The following CABCOCO1 variants were observed in gnomAD, a reference collection of about 807,000 sequenced individuals.
The protein encoded by CABCOCO1 is ciliary-associated calcium-binding coiled-coil protein 1.
CABCOCO1 carries 28 observed loss-of-function variants against 35.7 expected under a neutral mutation model. The observed-to-expected ratio is 0.78, with a 90% CI of 0.58 to 1.07. CABCOCO1 has a LOEUF of 1.07. CABCOCO1 is among the 50% of genes least tolerant of loss of function. The probability of loss-of-function intolerance (pLI) is 0.00; values close to 1 mark genes in which losing one functional copy is unlikely to be tolerated. For synonymous variants in CABCOCO1, 95 were observed against 100.1 expected, an observed-to-expected ratio of 0.95 and a Z score of 0.30; for missense variants, 326 against 309.2, an observed-to-expected ratio of 1.05 and a Z score of -0.41.
chr10:61,679,245 G>C (rs1839621553), intron 2 of CABCOCO1, among the ~76,000 whole-genome samples: 2 of 151,896 alleles, frequency 1.3e-5, no homozygotes, highest in African/African-American at 4.8e-5. Flanking sequence ...GAAAATATAA[G>C]GAAGGATGCT....
intron 5 of CABCOCO1, among the ~76,000 whole-genome samples, chr10:61,736,333 G>C (rs1161723617): frequency 6.6e-6 from 1 of 152,022 alleles, no homozygotes; most frequent in African/African-American, 2.4e-5. Context: ...TGTAAGAAAG[G>C]GTTCCAGCCT....
intron 1 of CABCOCO1, among the ~76,000 whole-genome samples, chr10:61,667,150 A>G (rs1018052958): frequency 1.1e-4 from 16 of 145,062 alleles, no homozygotes; most frequent in African/African-American, 3.7e-4. Flanking sequence ...GTATATATAA[A>G]TATAATTATA....
chr10:61,737,955 A>T (rs1408667751), intron 5 of CABCOCO1, among the ~76,000 whole-genome samples: 1 of 152,098 alleles, frequency 6.6e-6, no homozygotes, highest in Non-Finnish European at 1.5e-5. Flanking sequence ...CCAAACTAAA[A>T]TAAAAATTTT....
intron 3 of CABCOCO1, 54 bp from the exon 4 acceptor site, chr10:61,685,987 T>C (rs997791805): frequency 1.0e-5 from 15 of 1,490,676 alleles, no homozygotes; most frequent in Non-Finnish European, 1.2e-5. Flanking sequence ...GATTATCTTA[T>C]TCTGAAAACA....
chr10:61,739,134 A>C (rs1841489838), intron 5 of CABCOCO1, among the ~76,000 whole-genome samples: 1 of 152,220 alleles, frequency 6.6e-6, no homozygotes, highest in African/African-American at 2.4e-5. Context: ...GAATTTTCTC[A>C]AGGATAGTTG....
intron 1 of CABCOCO1, among the ~76,000 whole-genome samples, chr10:61,666,445 G>A (rs1321023292): frequency 6.6e-6 from 1 of 152,188 alleles, no homozygotes; most frequent in East Asian, 1.9e-4. Flanking sequence ...ACCTCAACAT[G>A]TGAGTACATG....
intron 4 of CABCOCO1, among the ~76,000 whole-genome samples, chr10:61,687,415 T>C (rs2131988645): frequency 6.6e-6 from 1 of 152,320 alleles, no homozygotes; most frequent in South Asian, 2.1e-4. Flanking sequence ...TTGCACATTG[T>C]ATTAGCATCC....
At chr10:61,700,545 T>C (rs1362788768) in intron 5 of CABCOCO1, among the ~76,000 whole-genome samples, 2 of 152,112 alleles carry the variant, frequency 1.3e-5, no homozygotes, top group South Asian at 2.1e-4. Context: ...TCTCATATAT[T>C]GCTGGGAAGA....
intron 1 of CABCOCO1, among the ~76,000 whole-genome samples, chr10:61,671,275 G>A (rs972241582): frequency 2.6e-5 from 4 of 151,726 alleles, no homozygotes; most frequent in African/African-American, 4.8e-5. Context: ...GCAGTGAGCC[G>A]AGATCAGCCA....
intron 5 of CABCOCO1, among the ~76,000 whole-genome samples, chr10:61,731,486 A>T (rs1841300664): frequency 6.6e-6 from 1 of 151,850 alleles, no homozygotes; most frequent in Non-Finnish European, 1.5e-5. Flanking sequence ...GCATTGTAGA[A>T]GTTTTCAGTA....
chr10:61,694,774 T>C (rs566553844), intron 5 of CABCOCO1, among the ~76,000 whole-genome samples: 109 of 152,228 alleles, frequency 7.2e-4, no homozygotes, highest in African/African-American at 2.6e-3. Context: ...AGTGAAGCTT[T>C]GGTAGACACG....
chr10:61,687,112 G>A (rs1019893868), intron 4 of CABCOCO1, among the ~76,000 whole-genome samples: 2 of 152,064 alleles, frequency 1.3e-5, no homozygotes, highest in Admixed American at 6.5e-5. Flanking sequence ...AATCCTAGTA[G>A]GTTTAATATG....
chr10:61,762,757 G>C (rs1377302431), intron 7 of CABCOCO1, among the ~76,000 whole-genome samples: 1 of 152,080 alleles, frequency 6.6e-6, no homozygotes, highest in Non-Finnish European at 1.5e-5. Context: ...AATGGGAGCT[G>C]TGACCTGGGT....
intron 1 of CABCOCO1, among the ~76,000 whole-genome samples, chr10:61,669,020 G>GAAAAAAAAAAAAAAAAAAAAAAA (rs200867627): frequency 1.2e-4 from 12 of 102,502 alleles, no homozygotes; most frequent in African/African-American, 2.7e-4. Context: ...AAGGGTTGGG[G>GAAAAAAAAAAAAAAAAAAAAAAA]AAAAAAAAAA....
intron 5 of CABCOCO1, among the ~76,000 whole-genome samples, chr10:61,703,171 A>G (rs769183339): frequency 6.6e-6 from 1 of 151,854 alleles, no homozygotes; most frequent in Non-Finnish European, 1.5e-5. Flanking sequence ...CCTTATTTCA[A>G]GATTTGCATG....
intron 5 of CABCOCO1, among the ~76,000 whole-genome samples, chr10:61,695,552 G>C (rs1840272465): frequency 6.6e-6 from 1 of 151,986 alleles, no homozygotes; most frequent in South Asian, 2.1e-4. Context: ...CAAAATACAT[G>C]TAAATCCATA....
At chr10:61,705,473 T>C (rs1353742386) in intron 5 of CABCOCO1, among the ~76,000 whole-genome samples, 3 of 152,242 alleles carry the variant, frequency 2.0e-5, no homozygotes, top group Admixed American at 2.0e-4. Flanking sequence ...ATATTACTTT[T>C]ATTGCTATCA....
intron 2 of CABCOCO1, among the ~76,000 whole-genome samples, chr10:61,679,021 T>C (rs910571307): frequency 6.6e-6 from 1 of 152,170 alleles, no homozygotes; most frequent in Non-Finnish European, 1.5e-5. Flanking sequence ...TCTGATTATA[T>C]CACTTATTTT....
At chr10:61,763,394 G>A (rs1842047186) in intron 7 of CABCOCO1, among the ~76,000 whole-genome samples, 2 of 151,860 alleles carry the variant, frequency 1.3e-5, no homozygotes, top group African/African-American at 4.8e-5. Flanking sequence ...AGTTATCTTG[G>A]CCCTGAGATG....
Sources: gnomAD v4.1 joint callset for allele counts (sites outside exome capture counted in the v4.1 genomes callset) on GRCh38, gnomAD v4.1.1 for gene constraint, MANE v1.5 for transcripts, NCBI Gene and HGNC (gene_info 2026-07-23, HGNC 2026-07-21) for gene names.